The following INTS14 variants were observed in gnomAD, a reference collection of about 807,000 sequenced individuals.
The protein encoded by INTS14 is UPF0464 protein C15orf44.
In INTS14, 27 loss-of-function variants were observed where a neutral mutation model predicts 56.9. The observed-to-expected ratio is 0.47, with a 90% CI of 0.35 to 0.65. The LOEUF (loss-of-function observed/expected upper bound fraction) is 0.65. Among genes scored for constraint, INTS14 ranks in the 30% least tolerant of loss-of-function variants. The pLI, the probability that INTS14 is intolerant of heterozygous loss-of-function variation, is 0.00. For missense variants in INTS14, 517 were observed against 632.2 expected (o/e 0.82, Z 1.95); for synonymous variants, 207 against 236.2 (o/e 0.88, Z 1.13).
At chr15:65,598,831 G>T in intron 5 of INTS14, 41 bp downstream of exon 5, 1 of 1,437,882 alleles carries the variant, frequency 7.0e-7, no homozygotes, top group South Asian at 1.2e-5. Context: ...TTATAATACT[G>T]GATTGTAAAG....
At chr15:65,587,008 T>A (rs2072849967) in intron 9 of INTS14, 1 of 152,044 alleles carries the variant, frequency 6.6e-6, no homozygotes, top group African/African-American at 2.4e-5. Context: ...GGGTCAAAGG[T>A]CTTTGAGTCA....
intron 9 of INTS14, among the ~76,000 whole-genome samples, chr15:65,586,100 T>G (rs2072811635): frequency 6.6e-6 from 1 of 152,172 alleles, no homozygotes; most frequent in African/African-American, 2.4e-5. Context: ...ACTTATTCAT[T>G]CATTATCTAT....
At chr15:65,609,437 C>A (rs1322404418) in intron 1 of INTS14, among the ~76,000 whole-genome samples, 1 of 151,748 alleles carries the variant, frequency 6.6e-6, no homozygotes, top group Non-Finnish European at 1.5e-5. Flanking sequence ...AATATTGGTT[C>A]AACTACACTA....
chr15:65,602,131 T>A (rs1389277424), intron 3 of INTS14, among the ~76,000 whole-genome samples: 3 of 151,942 alleles, frequency 2.0e-5, no homozygotes. Flanking sequence ...CAGCTACTCA[T>A]CAGGTGGCTG....
At position 65,598,932 on chromosome 15, in the gene INTS14, T is replaced by G. The variant is rs770154385; in HGVS notation, c.545A>C (p.Glu182Ala). The G allele has an allele frequency of 3.1e-6, 5 of 1,613,944 alleles. No homozygotes were observed. The African/African-American group carries it at 6.7e-5, about 22-fold the overall frequency. The change falls in exon 5 of 12, where the codon GAA becomes GCA. Residue 182 changes from glutamate (E) to alanine (A), a missense_variant. By Grantham distance (107) the Glu-to-Ala change is moderately radical (BLOSUM62 -1). Coordinates refer to ENST00000313182, the MANE Select transcript of INTS14 (RefSeq NM_001394796.1). ...LERLIDLNNG[E>A]GQIFTIDGPL... The stretch of plus-strand genomic sequence containing the variant: ...GCCATCAATAGTAAAAATCTGCCCT[T>G]CACCATTGTTTAAATCTATGAGACG...
At chr15:65,598,141 A>C (rs1330891146) in intron 6 of INTS14, among the ~76,000 whole-genome samples, 180 bp downstream of exon 6, 5 of 152,158 alleles carry the variant, frequency 3.3e-5, no homozygotes, top group African/African-American at 9.7e-5. Flanking sequence ...CCCAAACCCC[A>C]AAAAATCTGA....
chr15:65,601,157 T>C (rs1426933730), intron 3 of INTS14, among the ~76,000 whole-genome samples: 3 of 152,236 alleles, frequency 2.0e-5, no homozygotes, highest in Admixed American at 6.5e-5. Context: ...TAAAACGCAT[T>C]CTTAACCTGT....
At chr15:65,589,893 T>C (rs1439493303) in intron 9 of INTS14, among the ~76,000 whole-genome samples, 1 of 152,174 alleles carries the variant, frequency 6.6e-6, no homozygotes, top group Non-Finnish European at 1.5e-5. Context: ...ACTTCAGACT[T>C]CTACAGAATT....
intron 2 of INTS14, among the ~76,000 whole-genome samples, chr15:65,606,268 A>C (rs914051015): frequency 6.6e-6 from 1 of 152,062 alleles, no homozygotes; most frequent in Non-Finnish European, 1.5e-5. Flanking sequence ...AAAAAAAAAA[A>C]AAAATCTGAG....
chr15:65,598,345 G>C lies in INTS14; in HGVS notation c.724C>G (p.Pro242Ala), dbSNP rs1411620058. 2 of 1,613,840 alleles carry C rather than the reference G, an allele frequency of 1.2e-6. No individual in the cohort carries two copies. Among genetic ancestry groups the C allele is most frequent in the Admixed American group, 3.3e-5 (2 of 59,980 alleles). The change falls in exon 6 of 12, where the codon CCT (proline) becomes GCT (alanine). Residue 242 changes from proline to alanine, a missense_variant. Transcript: ENST00000313182. Reference protein sequence around the residue: ...EPFVVDEEIDPIPKVINTDLE... With the variant: ...EPFVVDEEIDAIPKVINTDLE... Reference sequence around the variant, plus strand: ...CCTGTGTTAATGACTTTAGGGATAGGATCAATTTCTTCATCTACAACAAAA... The same window carrying C: ...CCTGTGTTAATGACTTTAGGGATAGCATCAATTTCTTCATCTACAACAAAA...
intron 7 of INTS14, among the ~76,000 whole-genome samples, chr15:65,594,247 C>CA (rs1408865998): frequency 6.6e-6 from 1 of 152,182 alleles, no homozygotes; most frequent in African/African-American, 2.4e-5. Flanking sequence ...AATCTTCCTA[C>CA]AATTAACTTC....
intron 10 of INTS14, among the ~76,000 whole-genome samples, chr15:65,583,179 C>T (rs2072690656): frequency 6.6e-6 from 1 of 152,112 alleles, no homozygotes; most frequent in African/African-American, 2.4e-5. Context: ...CAATCCCATT[C>T]CCATTAAAAT....
Position 65,610,714 on chromosome 15 carries a change from G to C in INTS14, c.-63+384C>G. 3 of 1,535,638 alleles carry C rather than the reference G, an allele frequency of 2.0e-6. No homozygotes were observed. In the South Asian group the frequency reaches 3.6e-5, roughly 18 times the overall value. On this transcript the variant is annotated intron_variant, in intron 1 of 11. Transcript: ENST00000313182. Reference sequence around the variant, plus strand: ...CTCTTTGGCTTTCCCGTCAGCCTCCGGGAGTCCCTCCCCAGTTCTCAGATA... The same window carrying C: ...CTCTTTGGCTTTCCCGTCAGCCTCCCGGAGTCCCTCCCCAGTTCTCAGATA...
At chr15:65,589,723 G>A (rs1043899568) in intron 9 of INTS14, among the ~76,000 whole-genome samples, 3 of 151,738 alleles carry the variant, frequency 2.0e-5, no homozygotes, top group Non-Finnish European at 4.4e-5. Flanking sequence ...CCATATATGG[G>A]TGAGAACATG....
At position 65,610,728 on chromosome 15, in the gene INTS14, A is replaced by G. The variant is rs1052133617; in HGVS notation, c.-63+370T>C. On this transcript the variant is annotated intron_variant, in intron 1 of 11. Coordinates refer to ENST00000313182, the MANE Select transcript of INTS14 (RefSeq NM_001394796.1). ...CGTCAGCCTCCGGGAGTCCCTCCCC[A>G]GTTCTCAGATATAATTTCATCTCTA... 4.6e-6 allele frequency: 7 copies of G among 1,535,606 alleles called. No individual in the cohort carries two copies. In the African/African-American group the frequency reaches 9.6e-5, roughly 21 times the overall value.
At chr15:65,607,815 T>A (rs775941178) in intron 1 of INTS14, among the ~76,000 whole-genome samples, 5 of 152,274 alleles carry the variant, frequency 3.3e-5, no homozygotes, top group Non-Finnish European at 5.9e-5. Flanking sequence ...TTGGTGCTAT[T>A]TGACAAACAA....
chr15:65,606,896 ATGCTC>A, intron 2 of INTS14, among the ~76,000 whole-genome samples: 1 of 152,298 alleles, frequency 6.6e-6, no homozygotes, highest in Admixed American at 6.5e-5. Context: ...ACATCCTGAG[ATGCTC>A]ACTTTTCCAC....
chr15:65,595,867 A>G (rs2073193161), intron 6 of INTS14, 42 bp from the exon 7 acceptor site: 1 of 1,469,430 alleles, frequency 6.8e-7, no homozygotes, highest in South Asian at 1.2e-5. Context: ...CATTCTATGG[A>G]AAAGTACATT....
chr15:65,602,217 C>T (rs935033586), intron 3 of INTS14, among the ~76,000 whole-genome samples: 6 of 151,296 alleles, frequency 4.0e-5, no homozygotes, highest in East Asian at 1.9e-4. Context: ...CAAGCCTGGG[C>T]GACAGAGCAA....
Sources: allele counts gnomAD v4.1 joint callset (sites outside exome capture counted in the v4.1 genomes callset), GRCh38; gene constraint gnomAD v4.1.1; transcripts MANE v1.5; gene names NCBI Gene and HGNC (gene_info 2026-07-23, HGNC 2026-07-21).